The following BIK variants were observed in gnomAD, a reference collection of about 807,000 sequenced individuals.
The protein encoded by BIK is BCL2 interacting killer, also known as bcl-2-interacting killer.
Under a neutral mutation model 12.1 loss-of-function variants are expected in BIK, and 14 were observed. The ratio of observed to expected loss-of-function variants is 1.16; its 90% CI spans 0.77 to 1.81. BIK has a LOEUF of 1.81. Among genes scored for constraint, BIK ranks in the 40% most tolerant of loss-of-function variants. BIK has a pLI of 0.00. For missense variants in BIK, 215 were observed against 207.9 expected, an observed-to-expected ratio of 1.03 and a Z score of -0.21; for synonymous variants, 86 against 92.3, an observed-to-expected ratio of 0.93 and a Z score of 0.39.
intron 2 of BIK, among the ~76,000 whole-genome samples, chr22:43,125,225 C>A (rs900274180): frequency 6.6e-6 from 1 of 152,098 alleles, no homozygotes; most frequent in Non-Finnish European, 1.5e-5. Flanking sequence ...GCGTCTTTGC[C>A]GAATCCTGTT....
At chr22:43,114,738 C>T (rs528350154) in intron 1 of BIK, among the ~76,000 whole-genome samples, 2 of 152,324 alleles carry the variant, frequency 1.3e-5, no homozygotes, top group East Asian at 1.9e-4. Flanking sequence ...AAGATAAATC[C>T]GAGCTCGGAC....
chr22:43,124,286 C>CCAGG, intron 2 of BIK, 103 bp downstream of exon 2: 1 of 1,331,784 alleles, frequency 7.5e-7, no homozygotes, highest in East Asian at 2.3e-5. Context: ...CAGATGCCTC[C>CCAGG]CAGGCAGGGC....
At position 43,129,238 on chromosome 22, in the gene BIK, C is replaced by CGCTGCTGCT; in HGVS notation, c.424_432dup (p.Leu142_Leu144dup). 6.3e-7 allele frequency: 1 copy of CGCTGCTGCT among 1,585,910 alleles called. No individual in the cohort carries two copies. The highest frequency in any genetic ancestry group is 8.5e-7 in the Non-Finnish European group (1 of 1,170,684). On this transcript the variant is annotated inframe_insertion, in exon 5 of 5. Coordinates refer to ENST00000216115, the MANE Select transcript of BIK (RefSeq NM_001197.5). The stretch of plus-strand genomic sequence containing the variant: ...GTGTCCTGCGAACAGGTGCTGCTGG[C>CGCTGCTGCT]GCTGCTGCTGCTGCTGGCGCTGCTG...
At chr22:43,124,215 C>G in intron 2 of BIK, 32 bp downstream of exon 2, 1 of 1,609,108 alleles carries the variant, frequency 6.2e-7, no homozygotes, top group Non-Finnish European at 8.5e-7. Context: ...TACCCCCTGC[C>G]TGATAGTGAC....
chr22:43,117,905 C>T (rs1419593117), intron 1 of BIK, among the ~76,000 whole-genome samples: 1 of 151,796 alleles, frequency 6.6e-6, no homozygotes, highest in African/African-American at 2.4e-5. Flanking sequence ...GAACTCCTGA[C>T]CTCATGATCT....
intron 1 of BIK, among the ~76,000 whole-genome samples, chr22:43,121,480 T>C (rs997968439): frequency 6.6e-6 from 1 of 152,084 alleles, no homozygotes; most frequent in African/African-American, 2.4e-5. Context: ...TCGGAATGCC[T>C]GCTGGGTAAG....
At chr22:43,113,894 C>G (rs2147016996) in intron 1 of BIK, among the ~76,000 whole-genome samples, 1 of 152,338 alleles carries the variant, frequency 6.6e-6, no homozygotes. Context: ...ACCAGTCTTA[C>G]TGTTGGTGGT....
intron 2 of BIK, among the ~76,000 whole-genome samples, chr22:43,126,454 T>G (rs1471178427): frequency 6.6e-6 from 1 of 152,096 alleles, no homozygotes; most frequent in East Asian, 1.9e-4. Context: ...CAAAAAGTGC[T>G]GGGATTACAG....
Position 43,128,639 on chromosome 22 carries a change from G to A in BIK, c.390+14G>A. 6.3e-7 allele frequency: 1 copy of A among 1,599,916 alleles called. No individual in the cohort carries two copies. ...CCCGGGTCCTGGGTAAGAGCCTTGA[G>A]ATCCCTGACCCTGACTTGCGCTGCG... On this transcript the variant is annotated intron_variant, in intron 4 of 4. Coordinates refer to ENST00000216115, the MANE Select transcript of BIK (RefSeq NM_001197.5).
At chr22:43,119,021 C>T (rs1241726128) in intron 1 of BIK, among the ~76,000 whole-genome samples, 1 of 151,950 alleles carries the variant, frequency 6.6e-6, no homozygotes, top group Non-Finnish European at 1.5e-5. Context: ...GAGCTGTTCA[C>T]CAAATGTAGG....
intron 1 of BIK, among the ~76,000 whole-genome samples, chr22:43,113,213 T>C (rs928953846): frequency 6.6e-6 from 1 of 151,818 alleles, no homozygotes; most frequent in Admixed American, 6.6e-5. Flanking sequence ...CAAAAGAAAA[T>C]TTAAAAAAGC....
At chr22:43,115,828 C>T (rs529767102) in intron 1 of BIK, among the ~76,000 whole-genome samples, 2 of 152,098 alleles carry the variant, frequency 1.3e-5, no homozygotes, top group East Asian at 3.9e-4. Context: ...ACGATCTTGG[C>T]TCACTGCAAC....
rs537730857 is a variant in BIK at position 43,128,685 on chromosome 22, C to A, written c.390+60C>A. The A allele has an allele frequency of 9.0e-6, 14 of 1,552,180 alleles. No individual in the cohort carries two copies. The African/African-American group carries it at 1.9e-4, about 21-fold the overall frequency. On this transcript the variant is annotated intron_variant, in intron 4 of 4. Transcript: ENST00000216115. Reference sequence around the variant, plus strand: ...CTGCGGCCAGTGGGGGCTGTCAGAGCCGCTCCTTGGGGCGCCACAGTCCCC... The same window carrying A: ...CTGCGGCCAGTGGGGGCTGTCAGAGACGCTCCTTGGGGCGCCACAGTCCCC...
At chr22:43,123,793 CTCCCT>C (rs886708426) in intron 1 of BIK, among the ~76,000 whole-genome samples, 1 of 152,168 alleles carries the variant, frequency 6.6e-6, no homozygotes, top group African/African-American at 2.4e-5. Context: ...CTTCAAGTTC[CTCCCT>C]TCCAAGAACA....
chr22:43,111,450 C>G (rs935234841), intron 1 of BIK, among the ~76,000 whole-genome samples: 7 of 152,166 alleles, frequency 4.6e-5, no homozygotes, highest in African/African-American at 1.7e-4. Flanking sequence ...GGGACTAGAG[C>G]CCGGCTGGGG....
intron 2 of BIK, among the ~76,000 whole-genome samples, chr22:43,126,812 G>A (rs997850500): frequency 6.6e-6 from 1 of 152,110 alleles, no homozygotes; most frequent in African/African-American, 2.4e-5. Context: ...ATTTTCCTGA[G>A]GTTTCCCAGG....
rs529423089 is a variant in BIK, at chr22:43,113,861, A to T, written c.-8+3058A>T. 1.1e-4 allele frequency among the ~76,000 whole-genome samples: 16 copies of T among 152,268 alleles called. 2 individuals are homozygous for T. Among genetic ancestry groups the T allele is most frequent in the Middle Eastern group, 3.4e-3 (1 of 294 alleles). ...TACCGTCTGTGCTCAGAACAGTTTG[A>T]GCCGTATGGAGGAAGTCTCCGCACC... On this transcript the variant is annotated intron_variant, in intron 1 of 4. Transcript: ENST00000216115.
At chr22:43,113,245 G>A (rs943136052) in intron 1 of BIK, among the ~76,000 whole-genome samples, 3 of 152,184 alleles carry the variant, frequency 2.0e-5, no homozygotes, top group Non-Finnish European at 4.4e-5. Context: ...GATCCCCAGT[G>A]TCTGTTACAG....
Position 43,127,703 on chromosome 22 carries a change from A to G in BIK, c.168A>G (p.Ala56=), listed in dbSNP as rs879670120. The G allele has an allele frequency of 6.4e-6, 10 of 1,554,188 alleles. No individual in the cohort carries two copies. The highest frequency in any genetic ancestry group is 1.9e-5 in the Admixed American group (1 of 51,704). ...CTGTGTGTGCTCCCTGCAGTGACGC[A>G]TTGGCCCTGCGGCTGGCCTGCATCG... is the stretch of plus-strand genomic sequence containing the variant. ...DSLECMEGSD[A]LALRLACIGD... The change falls in exon 3 of 5, where the codon GCA becomes GCG. Residue 56 remains alanine, a synonymous_variant. Coordinates refer to ENST00000216115, the MANE Select transcript of BIK (RefSeq NM_001197.5).
Sources: allele counts gnomAD v4.1 joint callset (sites outside exome capture counted in the v4.1 genomes callset), GRCh38; gene constraint gnomAD v4.1.1; transcripts MANE v1.5; gene names NCBI Gene and HGNC (gene_info 2026-07-23, HGNC 2026-07-21).